The following KNL1 variants were observed in gnomAD, a reference collection of about 807,000 sequenced individuals.
KNL1 encodes the protein outer kinetochore KNL1 complex subunit KNL1.
KNL1 carries 66 observed loss-of-function variants against 201.3 expected under a neutral mutation model. That is an observed-to-expected ratio of 0.33 (90% CI 0.27 to 0.40). KNL1 has a LOEUF of 0.40. KNL1 is among the 10% of genes least tolerant of loss of function. The pLI, the probability that KNL1 is intolerant of heterozygous loss-of-function variation, is 1.00. For missense variants in KNL1, 2,815 were observed against 2,690.5 expected (o/e 1.05, Z -1.02); for synonymous variants, 895 against 899.2 (o/e 1.00, Z 0.08).
At chr15:40,650,658 A>G (rs1015157904) in intron 19 of KNL1, 75 bp downstream of exon 19, 8 of 1,328,338 alleles carry the variant, frequency 6.0e-6, no homozygotes, top group African/African-American at 1.5e-5. Flanking sequence ...GCCTCCAGAG[A>G]CTGACAGGAT....
rs1892161238 is a variant in KNL1 at position 40,611,501 on chromosome 15, CTTT to C, written c.276_278del (p.Leu93del). On this transcript the variant is annotated inframe_deletion, in exon 7 of 26. Transcript: ENST00000399668. ...AGAAACAGAAACAGGAGAAAATCTT[CTTT>C]TGATACAGTAAGTAATATTCAAATT... 1 of 228,694 alleles carries C rather than the reference CTTT, an allele frequency of 4.4e-6. No homozygotes were observed. Among genetic ancestry groups the C allele is most frequent in the Non-Finnish European group, 8.6e-6 (1 of 115,722 alleles). The allele number at this position is 228,694 out of a possible 1,614,324, so 14.2% of individuals were successfully genotyped here.
chr15:40,621,502 C>T lies in KNL1; in HGVS notation c.1238C>T (p.Pro413Leu), dbSNP rs746996319. 5.6e-6 allele frequency: 9 copies of T among 1,613,860 alleles called. No individual in the cohort carries two copies. In the Admixed American group the frequency reaches 1.5e-4, roughly 27 times the overall value. The change falls in exon 10 of 26, where the codon CCA becomes CTA. Residue 413 changes from proline to leucine, a missense_variant. Physicochemically the swap from Pro to Leu is moderately conservative, Grantham distance 98 (BLOSUM62 -3). Around this residue, in one of 3 missense-constraint regions of KNL1, gnomAD observed 2,464 missense variants for 2,291.7 expected, o/e 1.08. Coordinates refer to ENST00000399668, the MANE Select transcript of KNL1 (RefSeq NM_144508.5). ...NQDARILAMT[P>L]ESIYSNPSIQ... ...GATGCCAGAATATTAGCCATGACCC[C>T]AGAATCTATATATTCTAATCCATCT...
At position 40,621,217 on chromosome 15, in the gene KNL1, TTA is replaced by T; in HGVS notation, c.955_956del (p.Met319GlyfsTer5). On this transcript the variant is annotated frameshift_variant, in exon 10 of 26. Transcript: ENST00000399668. LOFTEE classifies it high-confidence loss of function. ...GATATTACAATTTATGGCAATGACTTTATGGACTTGACATTTAACCACACTTT... is the reference window on the plus strand; with the variant it reads ...GATATTACAATTTATGGCAATGACTTTGGACTTGACATTTAACCACACTTT... The T allele has an allele frequency of 1.2e-6, 2 of 1,612,742 alleles. No individual in the cohort carries two copies. Among genetic ancestry groups the T allele is most frequent in the Non-Finnish European group, 1.7e-6 (2 of 1,179,256 alleles).
In KNL1 at chr15:40,629,359, T is replaced by C; in HGVS notation, c.5670T>C (p.Asn1890=). The part of the protein sequence containing the change: ...HILIQKPRQS[N]LPGNFTVNTP... ...TGATACAGAAACCCCGACAGAGCAA[T>C]CTCCCAGGCAATGTAAGTGCAGTTT... Residue 1890 remains asparagine (N), a synonymous_variant, in exon 13 of 26, where the codon AAT becomes AAC. Coordinates refer to ENST00000399668, the MANE Select transcript of KNL1 (RefSeq NM_144508.5). 2.5e-6 allele frequency: 4 copies of C among 1,598,734 alleles called. No individual in the cohort carries two copies. The highest frequency in any genetic ancestry group is 3.4e-6 in the Non-Finnish European group (4 of 1,175,686).
rs1487537656 is a variant in KNL1, at chr15:40,625,264, G to A, written c.5000G>A (p.Gly1667Asp). 8.7e-6 allele frequency: 14 copies of A among 1,614,064 alleles called. No homozygotes were observed. The highest frequency in any genetic ancestry group is 1.2e-5 in the Non-Finnish European group (14 of 1,179,970). The change falls in exon 10 of 26, where the codon GGT becomes GAT. Residue 1667 changes from glycine to aspartate, a missense_variant. By Grantham distance (94) the Gly-to-Asp change is moderately conservative. This residue lies in a region of KNL1 where 2,464 missense variants were observed against 2,291.7 expected (regional missense o/e 1.08). Transcript: ENST00000399668. The stretch of plus-strand genomic sequence containing the variant: ...AACAAGAGAAATTGTAGTGTCACTG[G>A]TATTGATGACCTGGAACAGATTCCA... ...LPNKRNCSVTGIDDLEQIPAD... is the reference protein window; with the variant it reads ...LPNKRNCSVTDIDDLEQIPAD...
intron 13 of KNL1, among the ~76,000 whole-genome samples, chr15:40,633,471 C>T (rs1194376044): frequency 1.3e-5 from 2 of 152,152 alleles, no homozygotes; most frequent in Non-Finnish European, 2.9e-5. Flanking sequence ...TAATTATGTA[C>T]AGTAACATAA....
chr15:40,655,829 T>G (rs1893712983), intron 22 of KNL1, among the ~76,000 whole-genome samples: 1 of 148,480 alleles, frequency 6.7e-6, no homozygotes, highest in African/African-American at 2.5e-5. Flanking sequence ...GGCAGGAGAA[T>G]GGCGTGAACC....
In KNL1 at chr15:40,621,376, C is replaced by G. The variant is rs756846197; in HGVS notation, c.1112C>G (p.Ala371Gly). ...GTTTTTAAGAGTAAACAAAATACTG[C>G]TTTTCAAGACCTTTCCATAAACTCT... ...KTVFKSKQNT[A>G]FQDLSINSAD... Residue 371 changes from alanine to glycine, a missense_variant, in exon 10 of 26, where the codon GCT becomes GGT. By Grantham distance (60) the Ala-to-Gly change is moderately conservative. Around this residue, in one of 3 missense-constraint regions of KNL1, gnomAD observed 2,464 missense variants for 2,291.7 expected, o/e 1.08. Coordinates refer to ENST00000399668, the MANE Select transcript of KNL1 (RefSeq NM_144508.5). The G allele has an allele frequency of 1.2e-6, 2 of 1,610,792 alleles. No individual in the cohort carries two copies. The highest frequency in any genetic ancestry group is 1.7e-5 in the Admixed American group (1 of 59,470).
chr15:40,644,884 T>C lies in KNL1; in HGVS notation c.5799-113T>C, dbSNP rs999974102. The C allele has an allele frequency of 3.0e-5, 18 of 609,876 alleles. No homozygotes were observed. In the Admixed American group the frequency reaches 4.6e-4, roughly 16 times the overall value. 37.8% of individuals were successfully genotyped at this position (609,876 alleles called of 1,614,324 possible). A position where few individuals can be genotyped will look rare whatever the true frequency, so the allele number is the denominator to read the frequency against. On this transcript the variant is annotated intron_variant, in intron 14 of 25. Transcript: ENST00000399668. ...ATCTCAGCAAAACAGTTGTTCAAAG[T>C]ACAGGTCTTTTTCCAAATGGAGTCT...
At position 40,629,367 on chromosome 15, in the gene KNL1, G is replaced by A. The variant is rs1280704825; in HGVS notation, c.5678G>A (p.Gly1893Asp). The change falls in exon 13 of 26, where the codon GGC (glycine) becomes GAC (aspartate). Residue 1893 changes from glycine (G) to aspartate (D), a missense_variant. This residue lies in a region of KNL1 where 2,464 missense variants were observed against 2,291.7 expected (regional missense o/e 1.08). Coordinates refer to ENST00000399668, the MANE Select transcript of KNL1 (RefSeq NM_144508.5). ...IQKPRQSNLP[G>D]NFTVNTPPTP... ...AAACCCCGACAGAGCAATCTCCCAG[G>A]CAATGTAAGTGCAGTTTCTTGGCAA... 2.5e-6 allele frequency: 4 copies of A among 1,589,860 alleles called. No individual in the cohort carries two copies. Among genetic ancestry groups the A allele is most frequent in the Non-Finnish European group, 3.4e-6 (4 of 1,172,102 alleles).
chr15:40,652,861 G>A (rs183185539), intron 21 of KNL1, among the ~76,000 whole-genome samples: 198 of 152,260 alleles, frequency 1.3e-3, no homozygotes, highest in African/African-American at 4.6e-3. Context: ...ACTATATAGG[G>A]TGGAAATCAC....
intron 4 of KNL1, among the ~76,000 whole-genome samples, chr15:40,607,039 C>T (rs539240192): frequency 2.6e-5 from 4 of 152,322 alleles, no homozygotes; most frequent in East Asian, 1.9e-4. Context: ...GCATTACAGG[C>T]GTGAGCCACT....
chr15:40,656,810 G>T (rs1293511900), intron 22 of KNL1, among the ~76,000 whole-genome samples: 1 of 151,738 alleles, frequency 6.6e-6, no homozygotes, highest in Non-Finnish European at 1.5e-5. Flanking sequence ...TGCTTGAACT[G>T]GGAAGGCAGA....
intron 1 of KNL1, among the ~76,000 whole-genome samples, chr15:40,598,791 A>G (rs2141692453): frequency 6.6e-6 from 1 of 152,188 alleles, no homozygotes; most frequent in Non-Finnish European, 1.5e-5. Flanking sequence ...CGTTTGCTGT[A>G]TTAAAAAGAA....
intron 13 of KNL1, among the ~76,000 whole-genome samples, chr15:40,635,210 G>A (rs769823378): frequency 1.3e-5 from 2 of 151,544 alleles, no homozygotes; most frequent in Non-Finnish European, 2.9e-5. Context: ...CACCATGCCC[G>A]ACTAATTTTT....
chr15:40,657,184 T>C (rs1051878650), intron 23 of KNL1, 33 bp downstream of exon 23: 4 of 1,356,070 alleles, frequency 2.9e-6, no homozygotes, highest in South Asian at 1.2e-5. Context: ...AAAGGAAAAT[T>C]TGTGATATCT....
intron 9 of KNL1, 29 bp from the exon 10 acceptor site, chr15:40,620,611 T>C: frequency 7.0e-7 from 1 of 1,437,616 alleles, no homozygotes; most frequent in Non-Finnish European, 9.4e-7. Flanking sequence ...GCTTTTGTTC[T>C]GATCTCTTAT....
chr15:40,616,878 G>A (rs1401094491), intron 8 of KNL1, among the ~76,000 whole-genome samples: 3 of 152,138 alleles, frequency 2.0e-5, no homozygotes, highest in African/African-American at 7.2e-5. Flanking sequence ...CCATGCTCTA[G>A]CCCATGATGA....
chr15:40,595,795 T>G (rs1891603294), intron 1 of KNL1, among the ~76,000 whole-genome samples: 1 of 152,180 alleles, frequency 6.6e-6, no homozygotes, highest in Non-Finnish European at 1.5e-5. Context: ...TTCATTAATT[T>G]AAATGTAAAT....
Sources: allele counts gnomAD v4.1 joint callset (sites outside exome capture counted in the v4.1 genomes callset), GRCh38; gene constraint gnomAD v4.1.1; regional missense constraint gnomAD v4.1.1; transcripts MANE v1.5; gene names NCBI Gene and HGNC (gene_info 2026-07-23, HGNC 2026-07-21).